The following SFMBT2 variants were observed in gnomAD, a reference collection of about 807,000 sequenced individuals.
The protein encoded by SFMBT2 is Scm like with four mbt domains 2, also known as scm-like with four MBT domains protein 2.
In SFMBT2, 38 loss-of-function variants were observed where a neutral mutation model predicts 110.1. The ratio of observed to expected loss-of-function variants is 0.35; its 90% CI spans 0.27 to 0.45. The LOEUF is 0.45. Ranked by LOEUF, SFMBT2 falls within the 20% of genes least tolerant of loss-of-function variation. The pLI is 1.00. For synonymous variants in SFMBT2, 425 were observed against 425.4 expected, an observed-to-expected ratio of 1.00 and a Z score of 0.01; for missense variants, 1,011 against 1,094.9, an observed-to-expected ratio of 0.92 and a Z score of 1.08.
chr10:7,281,438 G>C (rs939017196), intron 6 of SFMBT2, among the ~76,000 whole-genome samples: 1 of 152,128 alleles, frequency 6.6e-6, no homozygotes, highest in Non-Finnish European at 1.5e-5. Flanking sequence ...ACACTTTCCA[G>C]TGCCTTCATA....
At chr10:7,313,641 T>G (rs1842913523) in intron 4 of SFMBT2, among the ~76,000 whole-genome samples, 1 of 152,154 alleles carries the variant, frequency 6.6e-6, no homozygotes, top group South Asian at 2.1e-4. Context: ...GTTTTTGTTT[T>G]TGTTTTTGCT....
intron 11 of SFMBT2, among the ~76,000 whole-genome samples, chr10:7,217,714 G>C (rs1021335314): frequency 3.9e-5 from 6 of 152,212 alleles, no homozygotes; most frequent in African/African-American, 1.4e-4. Context: ...GTGGGAGCCA[G>C]TGTGTGCGGC....
At chr10:7,206,620 C>A in intron 11 of SFMBT2, 1 of 962,758 alleles carries the variant, frequency 1.0e-6, no homozygotes, top group Middle Eastern at 5.3e-4. Flanking sequence ...AAATGTGGGA[C>A]CTGATGACTG....
At chr10:7,282,762 G>A (rs1030623021) in intron 6 of SFMBT2, among the ~76,000 whole-genome samples, 9 of 152,174 alleles carry the variant, frequency 5.9e-5, no homozygotes, top group Admixed American at 1.3e-4. Context: ...TCTCCTTCAT[G>A]TACTCAACAC....
At chr10:7,346,215 A>G (rs1564450851) in intron 4 of SFMBT2, among the ~76,000 whole-genome samples, 1 of 152,176 alleles carries the variant, frequency 6.6e-6, no homozygotes, top group Non-Finnish European at 1.5e-5. Flanking sequence ...GAATCGAAAC[A>G]TTTTAATCAC....
At chr10:7,339,035 T>G (rs574939922) in intron 4 of SFMBT2, among the ~76,000 whole-genome samples, 1 of 152,016 alleles carries the variant, frequency 6.6e-6, no homozygotes, top group East Asian at 1.9e-4. Context: ...AGGTCAGGAG[T>G]TCGAGACCAG....
chr10:7,317,870 T>C (rs1372440227), intron 4 of SFMBT2, among the ~76,000 whole-genome samples: 1 of 152,142 alleles, frequency 6.6e-6, no homozygotes, highest in Non-Finnish European at 1.5e-5. Flanking sequence ...AAGACAAAAT[T>C]GTATCTCTGG....
At chr10:7,319,031 C>A (rs1843096373) in intron 4 of SFMBT2, among the ~76,000 whole-genome samples, 1 of 152,198 alleles carries the variant, frequency 6.6e-6, no homozygotes. Flanking sequence ...AGCAGGGCCA[C>A]ACGAGGGATC....
At chr10:7,258,597 G>T (rs1018622001) in intron 7 of SFMBT2, among the ~76,000 whole-genome samples, 13 of 152,196 alleles carry the variant, frequency 8.5e-5, no homozygotes, top group Admixed American at 2.6e-4. Context: ...GAAGGTTTTA[G>T]TTAGTATTAC....
At position 7,172,750 on chromosome 10, in the gene SFMBT2, C is replaced by A. The variant is rs1837927977; in HGVS notation, c.1985-89G>T. On this transcript the variant is annotated intron_variant, in intron 17 of 20. Coordinates refer to ENST00000397167, the MANE Select transcript of SFMBT2 (RefSeq NM_001387889.1). The surrounding 1 kb of genome is among the most constrained non-coding windows in gnomAD (Gnocchi z 4.6). Reference sequence around the variant, plus strand: ...GGAGAGAGAAAGAAGGGAAACGATTCTTTCATCTGATAGTTCATTTGTGCC... The same window carrying A: ...GGAGAGAGAAAGAAGGGAAACGATTATTTCATCTGATAGTTCATTTGTGCC... 7.0e-7 allele frequency: 1 copy of A among 1,424,972 alleles called. No homozygotes were observed. The highest frequency in any genetic ancestry group is 9.5e-7 in the Non-Finnish European group (1 of 1,055,666). The allele number at this position is 1,424,972 out of a possible 1,614,324, so 88.3% of individuals were successfully genotyped here. A position where few individuals can be genotyped will look rare whatever the true frequency, so the allele number is the denominator to read the frequency against.
rs780748814 is a variant in SFMBT2, at chr10:7,176,021, C to T, written c.1953G>A (p.Glu651=). The change falls in exon 17 of 21, where the codon GAG becomes GAA. Residue 651 remains glutamate, a synonymous_variant. Coordinates refer to ENST00000397167, the MANE Select transcript of SFMBT2 (RefSeq NM_001387889.1). ...SPVLISENCP[E]NCSIHTKTKY... ...TGGTTTTGGTATGAATGGAGCAGTTCTCTGGGCAGTTTTCAGATATCAGCA... is the reference window on the plus strand; with the variant it reads ...TGGTTTTGGTATGAATGGAGCAGTTTTCTGGGCAGTTTTCAGATATCAGCA... 3 of 1,614,152 alleles carry T rather than the reference C, an allele frequency of 1.9e-6. No homozygotes were observed. The Admixed American group carries it at 5.0e-5, about 27-fold the overall frequency.
chr10:7,402,020 T>C (rs1846094754), intron 1 of SFMBT2, among the ~76,000 whole-genome samples: 1 of 151,638 alleles, frequency 6.6e-6, no homozygotes, highest in Non-Finnish European at 1.5e-5. Flanking sequence ...GTGACAGATA[T>C]AATGCAGACA....
intron 9 of SFMBT2, among the ~76,000 whole-genome samples, chr10:7,239,857 G>A (rs535360262): frequency 1.2e-4 from 19 of 152,028 alleles, no homozygotes; most frequent in Non-Finnish European, 2.1e-4. Context: ...TAGAAAAAGC[G>A]TTAGATTTGG....
intron 4 of SFMBT2, among the ~76,000 whole-genome samples, chr10:7,361,854 TC>T (rs750398458): frequency 2.7e-4 from 41 of 152,270 alleles, no homozygotes; most frequent in African/African-American, 9.4e-4. Context: ...CCTGCAATCT[TC>T]CACGAGCATC....
chr10:7,254,709 T>C (rs1840938982), intron 7 of SFMBT2, among the ~76,000 whole-genome samples: 1 of 151,986 alleles, frequency 6.6e-6, no homozygotes. Context: ...ACACCTGTAG[T>C]CCTAGCTACT....
intron 4 of SFMBT2, among the ~76,000 whole-genome samples, chr10:7,292,792 G>A (rs568181176): frequency 3.7e-4 from 57 of 152,150 alleles, no homozygotes; most frequent in Middle Eastern, 3.4e-3. Context: ...TGAGGCGGGC[G>A]GATCACCTAA....
chr10:7,350,632 C>T (rs1475030879), intron 4 of SFMBT2, among the ~76,000 whole-genome samples: 1 of 152,196 alleles, frequency 6.6e-6, no homozygotes, highest in African/African-American at 2.4e-5. Context: ...ACGGCATTCC[C>T]ACTTTTAACA....
rs891607786 is a variant in SFMBT2 at position 7,160,898 on chromosome 10, C to T, written c.*2872G>A. ...CTGGCAACAGCTGGAGGAAAAGCACCTCCTGGGTCCTAAAATCTTTCTGGG... is the reference window on the plus strand; with the variant it reads ...CTGGCAACAGCTGGAGGAAAAGCACTTCCTGGGTCCTAAAATCTTTCTGGG... On this transcript the variant is annotated 3_prime_UTR_variant, in exon 21 of 21. Transcript: ENST00000397167. The T allele has an allele frequency of 2.0e-5, 3 of 152,272 alleles. No homozygotes were observed. The highest frequency in any genetic ancestry group is 1.3e-4 in the Admixed American group (2 of 15,284). 9.4% of individuals were successfully genotyped at this position (152,272 alleles called of 1,614,324 possible).
intron 4 of SFMBT2, among the ~76,000 whole-genome samples, chr10:7,291,324 T>G (rs921194686): frequency 1.3e-5 from 2 of 152,246 alleles, no homozygotes; most frequent in Admixed American, 1.3e-4. Flanking sequence ...TTTCATTTTT[T>G]GTTGTCTTTC....
Sources: allele counts gnomAD v4.1 joint callset (sites outside exome capture counted in the v4.1 genomes callset), GRCh38; gene constraint gnomAD v4.1.1; non-coding constraint Gnocchi (gnomAD v3.1); transcripts MANE v1.5; gene names NCBI Gene and HGNC (gene_info 2026-07-23, HGNC 2026-07-21).